The following NRXN1 variants were observed in gnomAD, a reference collection of about 807,000 sequenced individuals.
NRXN1 encodes the protein neurexin-1.
NRXN1 carries 39 observed loss-of-function variants against 150.9 expected under a neutral mutation model. The ratio of observed to expected loss-of-function variants is 0.26; its 90% CI spans 0.20 to 0.34. The LOEUF (loss-of-function observed/expected upper bound fraction) is 0.34, where lower values mean the gene tolerates loss of function less well. Ranked by LOEUF, NRXN1 falls within the 10% of genes least tolerant of loss-of-function variation. NRXN1 has a pLI of 1.00. For synonymous variants in NRXN1, 924 were observed against 757.0 expected, an observed-to-expected ratio of 1.22 and a Z score of -3.62; for missense variants, 1,815 against 1,949.9, an observed-to-expected ratio of 0.93 and a Z score of 1.30.
At chr2:49,933,984 C>T (rs1670582240) in intron 22 of NRXN1, among the ~76,000 whole-genome samples, 1 of 152,148 alleles carries the variant, frequency 6.6e-6, no homozygotes, top group Non-Finnish European at 1.5e-5. Context: ...CATGTTGTTT[C>T]AGGCCATTAA....
At chr2:50,779,864 A>G (rs1704131736) in intron 5 of NRXN1, among the ~76,000 whole-genome samples, 1 of 152,234 alleles carries the variant, frequency 6.6e-6, no homozygotes, top group African/African-American at 2.4e-5. Flanking sequence ...ATGATTTATA[A>G]ACCCTTGGGT....
intron 17 of NRXN1, among the ~76,000 whole-genome samples, chr2:50,376,186 A>G (rs1343190580): frequency 1.3e-5 from 2 of 152,024 alleles, no homozygotes; most frequent in East Asian, 3.9e-4. Context: ...AGCTTCTAAA[A>G]AACCTAGAAA....
At chr2:50,269,018 T>A (rs1018083713) in intron 17 of NRXN1, among the ~76,000 whole-genome samples, 1 of 152,176 alleles carries the variant, frequency 6.6e-6, no homozygotes, top group Admixed American at 6.5e-5. Context: ...AAGAGTCGCT[T>A]AATTTGGTAA....
intron 21 of NRXN1, among the ~76,000 whole-genome samples, chr2:49,960,057 T>A (rs1450297825): frequency 6.6e-6 from 1 of 152,208 alleles, no homozygotes; most frequent in Non-Finnish European, 1.5e-5. Flanking sequence ...CATTTTTGAA[T>A]TGGAAAGCCT....
intron 18 of NRXN1, among the ~76,000 whole-genome samples, chr2:50,151,799 T>C (rs556051609): frequency 6.6e-6 from 1 of 151,888 alleles, no homozygotes; most frequent in African/African-American, 2.4e-5. Flanking sequence ...GATAACTGTA[T>C]ACTTTAAAAA....
At chr2:50,070,659 A>G (rs1696125929) in intron 19 of NRXN1, among the ~76,000 whole-genome samples, 2 of 150,180 alleles carry the variant, frequency 1.3e-5, no homozygotes, top group South Asian at 4.2e-4. Flanking sequence ...AGTCCCAGCT[A>G]CTCGGGAGGC....
At chr2:50,868,491 C>G (rs1177336356) in intron 5 of NRXN1, among the ~76,000 whole-genome samples, 1 of 151,372 alleles carries the variant, frequency 6.6e-6, no homozygotes, top group African/African-American at 2.4e-5. Flanking sequence ...ACTAAAAGCC[C>G]AGACTCCACC....
chr2:50,547,364 TTGAC>T (rs1474519117), intron 9 of NRXN1: 7 of 152,186 alleles, frequency 4.6e-5, no homozygotes, highest in Non-Finnish European at 7.3e-5. Context: ...AGAGGGTACT[TTGAC>T]TGAGCCAGAG....
intron 9 of NRXN1, 63 bp downstream of exon 9, chr2:50,552,524 G>A (rs2105343845): frequency 7.8e-7 from 1 of 1,278,964 alleles, no homozygotes; most frequent in South Asian, 1.3e-5. Flanking sequence ...TTCACTTTTA[G>A]GAATGGCATG....
At chr2:50,380,745 C>T (rs918316438) in intron 17 of NRXN1, among the ~76,000 whole-genome samples, 17 of 152,166 alleles carry the variant, frequency 1.1e-4, no homozygotes, top group Admixed American at 7.9e-4. Context: ...AAAAGCCACC[C>T]GTTATAGTGC....
At chr2:50,539,486 T>C (rs922850054) in intron 9 of NRXN1, among the ~76,000 whole-genome samples, 1 of 152,058 alleles carries the variant, frequency 6.6e-6, no homozygotes, top group African/African-American at 2.4e-5. Context: ...CTACATGGGA[T>C]CATTTGAGGG....
At chr2:50,854,522 T>G (rs1398215136) in intron 5 of NRXN1, among the ~76,000 whole-genome samples, 1 of 152,114 alleles carries the variant, frequency 6.6e-6, no homozygotes, top group Non-Finnish European at 1.5e-5. Context: ...TGCACTGTCT[T>G]ACATATTTCA....
chr2:50,649,699 C>T (rs574259958), intron 5 of NRXN1, among the ~76,000 whole-genome samples: 12 of 151,862 alleles, frequency 7.9e-5, no homozygotes, highest in South Asian at 2.1e-4. Context: ...TAAGTGAAAT[C>T]GGAGTGAAAT....
chr2:50,279,875 T>C (rs2152931311), intron 17 of NRXN1, among the ~76,000 whole-genome samples: 1 of 152,274 alleles, frequency 6.6e-6, no homozygotes, highest in South Asian at 2.1e-4. Flanking sequence ...TACAAAATAA[T>C]TTCAAATGGC....
intron 18 of NRXN1, among the ~76,000 whole-genome samples, chr2:50,118,896 T>G (rs1703452515): frequency 6.6e-6 from 1 of 152,088 alleles, no homozygotes; most frequent in Non-Finnish European, 1.5e-5. Context: ...GCATGTAAGT[T>G]AGAGTTTAAA....
At chr2:50,741,000 T>C (rs1699356771) in intron 5 of NRXN1, among the ~76,000 whole-genome samples, 1 of 152,134 alleles carries the variant, frequency 6.6e-6, no homozygotes, top group African/African-American at 2.4e-5. Context: ...AATTAACTCC[T>C]ACCACTAAAA....
At chr2:50,084,406 G>A (rs543749980) in intron 19 of NRXN1, among the ~76,000 whole-genome samples, 2 of 152,248 alleles carry the variant, frequency 1.3e-5, no homozygotes, top group Middle Eastern at 3.4e-3. Context: ...CCGGTGGGCC[G>A]GCACTGATGG....
rs1171189365 is a variant in NRXN1 at position 50,306,661 on chromosome 2, T to G, written c.3365-69691A>C. On this transcript the variant is annotated intron_variant, in intron 17 of 22. Transcript: ENST00000401669. ...ATATAAATCAAGTCACTGATTATAT[T>G]AGCTCAGATTCACATTTGATGCACC... Among the ~76,000 whole-genome samples the G allele has an allele frequency of 2.0e-5, 3 of 152,220 alleles. No individual in the cohort carries two copies. The East Asian group carries it at 5.8e-4, about 29-fold the overall frequency.
intron 2 of NRXN1, among the ~76,000 whole-genome samples, chr2:50,932,077 G>T (rs1273171648): frequency 1.3e-5 from 2 of 151,868 alleles, no homozygotes; most frequent in Non-Finnish European, 2.9e-5. Context: ...TTGGCCAGGT[G>T]CCTGGCCAAA....
Sources: allele counts gnomAD v4.1 joint callset (sites outside exome capture counted in the v4.1 genomes callset), GRCh38; gene constraint gnomAD v4.1.1; transcripts MANE v1.5; gene names NCBI Gene and HGNC (gene_info 2026-07-23, HGNC 2026-07-21).